Variants in COL14A1 observed in about 807,000 individuals in gnomAD.
The protein encoded by COL14A1 is collagen alpha-1(XIV) chain.
COL14A1 carries 136 observed loss-of-function variants against 230.3 expected under a neutral mutation model. The observed-to-expected ratio is 0.59, with a 90% confidence interval of 0.51 to 0.68. The LOEUF (loss-of-function observed/expected upper bound fraction) is 0.68. COL14A1 is among the 30% of genes least tolerant of loss of function. COL14A1 has a pLI of 0.00. For synonymous variants in COL14A1, 792 were observed against 784.1 expected (o/e 1.01, Z -0.17); for missense variants, 1,976 against 2,215.8 (o/e 0.89, Z 2.17).
rs1367426494 is a variant in COL14A1, at chr8:120,315,509, C to T, written c.4552-24C>T. ...TAAGAATTTACCTATGTGAACTTAA[C>T]TCTGTATACTTTTGGATATTCAGGG... On this transcript the variant is annotated intron_variant, in intron 38 of 47. Coordinates refer to ENST00000297848, the MANE Select transcript of COL14A1 (RefSeq NM_021110.4). The T allele has an allele frequency of 3.1e-6, 5 of 1,599,128 alleles. No individual in the cohort carries two copies. In the African/African-American group the frequency reaches 5.4e-5, roughly 17 times the overall value.
chr8:120,224,874 A>G (rs1371495259), intron 14 of COL14A1, among the ~76,000 whole-genome samples: 1 of 152,228 alleles, frequency 6.6e-6, no homozygotes, highest in Non-Finnish European at 1.5e-5. Flanking sequence ...AATGGAAAGA[A>G]TATTGATTGC....
intron 5 of COL14A1, among the ~76,000 whole-genome samples, chr8:120,173,161 A>G (rs67893286): frequency 0.24 from 36,019 of 151,880 alleles, 4,502 homozygotes; most frequent in Middle Eastern, 0.31. Flanking sequence ...CTTCTCCCAC[A>G]TTTGTTTTTC....
intron 13 of COL14A1, 30 bp from the exon 14 acceptor site, chr8:120,216,321 T>G: frequency 1.3e-6 from 2 of 1,578,628 alleles, no homozygotes; most frequent in Non-Finnish European, 1.7e-6. Flanking sequence ...TTTGACATTT[T>G]AATTATTTTC....
chr8:120,299,273 A>C (rs1820635147), intron 35 of COL14A1, among the ~76,000 whole-genome samples: 1 of 152,076 alleles, frequency 6.6e-6, no homozygotes, highest in Admixed American at 6.6e-5. Context: ...ACCTCACAAC[A>C]TCTATTGCAA....
intron 38 of COL14A1, 140 bp downstream of exon 38, chr8:120,314,167 G>A (rs1821133424): frequency 1.7e-6 from 1 of 603,318 alleles, no homozygotes; most frequent in Admixed American, 3.6e-5. Flanking sequence ...CATTTCACTA[G>A]TTGTGCCCTT....
At chr8:120,216,581 T>A in intron 14 of COL14A1, 91 bp downstream of exon 14, 1 of 1,268,546 alleles carries the variant, frequency 7.9e-7, no homozygotes, top group Non-Finnish European at 1.1e-6. Flanking sequence ...CCTAGTGGCT[T>A]AAAATAATAG....
At chr8:120,345,177 C>G (rs937333016) in intron 44 of COL14A1, among the ~76,000 whole-genome samples, 198 bp from the exon 45 acceptor site, 1 of 152,146 alleles carries the variant, frequency 6.6e-6, no homozygotes, top group African/African-American at 2.4e-5. Context: ...CATTTGACAA[C>G]AGTCCAGCCC....
intron 1 of COL14A1, among the ~76,000 whole-genome samples, chr8:120,139,876 A>T (rs1391648841): frequency 6.6e-6 from 1 of 152,020 alleles, no homozygotes; most frequent in African/African-American, 2.4e-5. Flanking sequence ...AAAATAAAAA[A>T]AACTAGCCAA....
chr8:120,224,500 G>T (rs756474570), intron 14 of COL14A1, among the ~76,000 whole-genome samples: 2 of 152,034 alleles, frequency 1.3e-5, no homozygotes, highest in African/African-American at 2.4e-5. Flanking sequence ...GTTTTTTGTT[G>T]TCAAGTTCTC....
rs1817505328 is a variant in COL14A1, at chr8:120,208,238, GT to G, written c.1199del (p.Val400GlufsTer10). On this transcript the variant is annotated frameshift_variant, in exon 11 of 48. Coordinates refer to ENST00000297848, the MANE Select transcript of COL14A1 (RefSeq NM_021110.4). LOFTEE classifies it high-confidence loss of function. ...TRGGKPDEVV[V>X]DGTVSSTVLK... ...CAAACTGTTCTTTAAACAGGTGGTG[GT>G]AGATGGAACTGTATCTTCCACAGTG... 1 of 1,609,120 alleles carries G rather than the reference GT, an allele frequency of 6.2e-7. No homozygotes were observed. Among genetic ancestry groups the G allele is most frequent in the Admixed American group, 1.7e-5 (1 of 59,892 alleles).
chr8:120,300,673 G>A, intron 35 of COL14A1, 59 bp from the exon 36 acceptor site: 1 of 1,293,846 alleles, frequency 7.7e-7, no homozygotes, highest in Non-Finnish European at 1.1e-6. Context: ...CTTTGAGCCA[G>A]TAAAGCCATT....
chr8:120,296,317 G>A (rs1010875668), intron 34 of COL14A1, among the ~76,000 whole-genome samples: 4 of 151,976 alleles, frequency 2.6e-5, no homozygotes, highest in African/African-American at 9.7e-5. Flanking sequence ...TGGAATGAAT[G>A]TTTGCAATAA....
At chr8:120,302,906 C>T (rs961459599) in intron 36 of COL14A1, among the ~76,000 whole-genome samples, 13 of 152,062 alleles carry the variant, frequency 8.5e-5, no homozygotes, top group Admixed American at 7.9e-4. Context: ...TATGTCATCT[C>T]TGATTTCTTT....
rs377197012 is a variant in COL14A1 at position 120,332,624 on chromosome 8, T to C, written c.4714-40T>C. The C allele has an allele frequency of 6.7e-5, 105 of 1,558,680 alleles. No homozygotes were observed. In the African/African-American group the frequency reaches 1.2e-3, roughly 18 times the overall value. On this transcript the variant is annotated intron_variant, in intron 41 of 47. Coordinates refer to ENST00000297848, the MANE Select transcript of COL14A1 (RefSeq NM_021110.4). ...GTTGGCTGTCATTGATGAGAATGTG[T>C]GATTCCTGACTTTGTTCCATTTTCC...
intron 23 of COL14A1, 144 bp downstream of exon 23, chr8:120,255,500 T>G (rs1421500105): frequency 2.6e-5 from 18 of 682,176 alleles, no homozygotes; most frequent in Non-Finnish European, 4.7e-5. Flanking sequence ...ATGCTGCATA[T>G]GGGGTCTGAC....
chr8:120,289,499 T>C, intron 33 of COL14A1, 109 bp from the exon 34 acceptor site: 3 of 1,018,978 alleles, frequency 2.9e-6, no homozygotes, highest in Non-Finnish European at 4.2e-6. Context: ...GGTGACAGAA[T>C]TCTTTCTCTT....
At chr8:120,319,431 T>G (rs886625034) in intron 40 of COL14A1, among the ~76,000 whole-genome samples, 4 of 152,082 alleles carry the variant, frequency 2.6e-5, no homozygotes, top group African/African-American at 9.7e-5. Flanking sequence ...TGCCTCAGCC[T>G]CCCAAGGTGC....
chr8:120,257,691 A>G (rs1224945181), intron 23 of COL14A1, among the ~76,000 whole-genome samples: 3 of 152,184 alleles, frequency 2.0e-5, no homozygotes, highest in Non-Finnish European at 4.4e-5. Flanking sequence ...TTGGCTACAT[A>G]TGCGGTCTCT....
intron 36 of COL14A1, among the ~76,000 whole-genome samples, chr8:120,305,596 C>A (rs1047968349): frequency 6.6e-6 from 1 of 151,978 alleles, no homozygotes; most frequent in Non-Finnish European, 1.5e-5. Flanking sequence ...GTTTTACAAT[C>A]TTTCTTTCAT....
Sources: gnomAD v4.1 joint callset for allele counts (sites outside exome capture counted in the v4.1 genomes callset) on GRCh38, gnomAD v4.1.1 for gene constraint, MANE v1.5 for transcripts, NCBI Gene and HGNC (gene_info 2026-07-23, HGNC 2026-07-21) for gene names.